TTF2: variants seen among roughly 807,000 people sequenced by gnomAD.
TTF2 encodes the protein RNA polymerase II termination factor.
A neutral mutation model predicts 142.4 loss-of-function variants in TTF2; 108 were observed. That is an observed-to-expected ratio of 0.76 (90% CI 0.65 to 0.89). TTF2 has a LOEUF of 0.89. Ranked by LOEUF, TTF2 falls within the 40% of genes least tolerant of loss-of-function variation. TTF2 has a pLI of 0.00. For missense variants in TTF2, 1,327 were observed against 1,379.8 expected (o/e 0.96, Z 0.61); for synonymous variants, 483 against 506.2 (o/e 0.95, Z 0.61).
At chr1:117,072,985 T>C (rs1248965258) in intron 3 of TTF2, among the ~76,000 whole-genome samples, 1 of 152,198 alleles carries the variant, frequency 6.6e-6, no homozygotes. Context: ...TTTTTTTTAG[T>C]AGTTTTAATT....
At chr1:117,081,210 C>T (rs1056870548) in intron 9 of TTF2, among the ~76,000 whole-genome samples, 4 of 152,250 alleles carry the variant, frequency 2.6e-5, no homozygotes, top group Admixed American at 1.3e-4. Flanking sequence ...AGCCCATGCT[C>T]TGACATTCCA....
intron 3 of TTF2, among the ~76,000 whole-genome samples, chr1:117,067,449 G>A (rs910172093): frequency 7.3e-5 from 11 of 151,164 alleles, no homozygotes; most frequent in Non-Finnish European, 8.9e-5. Flanking sequence ...ACTTTGAGCC[G>A]GGGAAGCGGA....
At chr1:117,062,600 G>A (rs192271128) in intron 3 of TTF2, 127 bp downstream of exon 3, 192 of 747,048 alleles carry the variant, frequency 2.6e-4, no homozygotes, top group Admixed American at 1.0e-3. Context: ...ATTTGTATAT[G>A]TATTAAGTGT....
chr1:117,086,946 G>GA lies in TTF2; in HGVS notation c.2160+435dup, dbSNP rs59907394. Among the ~76,000 whole-genome samples, 1,784 of 142,462 alleles carry GA rather than the reference G, an allele frequency of 0.013. 33 individuals carry two copies. The highest frequency in any genetic ancestry group is 0.041 in the African/African-American group (1,614 of 39,142). 93.5% of individuals were successfully genotyped at this position (142,462 alleles called of 152,430 possible). ...TTTCCCTGCCTCCCTTTACTTCCCA[G>GA]AAAAAAAAAAAGGGTTGCAAATAAT... On this transcript the variant is annotated intron_variant, in intron 12 of 22. Coordinates refer to ENST00000369466, the MANE Select transcript of TTF2 (RefSeq NM_003594.4). The surrounding 1 kb of genome is among the most constrained non-coding windows in gnomAD (Gnocchi z 4.2).
Position 117,080,252 on chromosome 1 carries a change from C to T in TTF2, c.1783+603C>T, listed in dbSNP as rs1321079804. On this transcript the variant is annotated intron_variant, in intron 9 of 22. Transcript: ENST00000369466. The surrounding 1 kb of genome is among the most constrained non-coding windows in gnomAD (Gnocchi z 4.3). Reference sequence around the variant, plus strand: ...TCTCTAACTCCTGACCTCAGGTGCTCCACCTGCCTTGGCCTTCCCAAAGTG... The same window carrying T: ...TCTCTAACTCCTGACCTCAGGTGCTTCACCTGCCTTGGCCTTCCCAAAGTG... Among the ~76,000 whole-genome samples the T allele has an allele frequency of 6.6e-6, 1 of 152,040 alleles. No individual in the cohort carries two copies. Among genetic ancestry groups the T allele is most frequent in the Non-Finnish European group, 1.5e-5 (1 of 67,998 alleles).
At position 117,095,314 on chromosome 1, in the gene TTF2, ATC is replaced by A; in HGVS notation, c.2986_2987del (p.Leu996ValfsTer60). ...TTGATGTAACCTTTTCCCAGATTTC[ATC>A]TCTGTTGGCAGAATTGGAGGCAATT... ...EGMRESTKIS[S>X]LLAELEAIQR... On this transcript the variant is annotated frameshift_variant, in exon 19 of 23. Transcript: ENST00000369466. LOFTEE classifies it high-confidence loss of function. 1 of 1,614,184 alleles carries A rather than the reference ATC, an allele frequency of 6.2e-7. No individual in the cohort carries two copies. The highest frequency in any genetic ancestry group is 8.5e-7 in the Non-Finnish European group (1 of 1,180,012).
At position 117,075,485 on chromosome 1, in the gene TTF2, A is replaced by G. The variant is rs1656921066; in HGVS notation, c.901A>G (p.Ile301Val). 1 of 1,614,062 alleles carries G rather than the reference A, an allele frequency of 6.2e-7. No individual in the cohort carries two copies. ...KETKAKDGPS[I>V]QATQKSLPQG... ...AACAAAGGCAAAGGATGGCCCTAGC[A>G]TACAGGCCACCCAGAAAAGCCTGCC... is the stretch of plus-strand genomic sequence containing the variant. The change falls in exon 5 of 23, where the codon ATA becomes GTA. Residue 301 changes from isoleucine (I) to valine (V), a missense_variant. Coordinates refer to ENST00000369466, the MANE Select transcript of TTF2 (RefSeq NM_003594.4). The surrounding 1 kb of genome is among the most constrained non-coding windows in gnomAD (Gnocchi z 4.5).
At chr1:117,096,100 T>C (rs754856595) in intron 19 of TTF2, 49 bp from the exon 20 acceptor site, 1 of 1,600,584 alleles carries the variant, frequency 6.2e-7, no homozygotes, top group South Asian at 1.1e-5. Context: ...TGCAGATGAG[T>C]CTGTTTAATC....
At chr1:117,072,965 A>C (rs1570808298) in intron 3 of TTF2, among the ~76,000 whole-genome samples, 1 of 152,136 alleles carries the variant, frequency 6.6e-6, no homozygotes, top group Admixed American at 6.5e-5. Context: ...GGACTCATAA[A>C]TGTCATAGTT....
At position 117,080,881 on chromosome 1, in the gene TTF2, C is replaced by T. The variant is rs1195262325; in HGVS notation, c.1784-947C>T. Among the ~76,000 whole-genome samples, 5 of 152,148 alleles carry T rather than the reference C, an allele frequency of 3.3e-5. No homozygotes were observed. Among genetic ancestry groups the T allele is most frequent in the Non-Finnish European group, 5.9e-5 (4 of 68,026 alleles). ...CCCAGCAGGGAGTTGTGACAACAGG[C>T]GTCAAAGGTTCCCTAGGAAGCTCAT... On this transcript the variant is annotated intron_variant, in intron 9 of 22. Transcript: ENST00000369466. This position sits in a 1 kb window ranked among gnomAD's most constrained non-coding sequence, Gnocchi z 4.3.
rs756425664 is a variant in TTF2, at chr1:117,092,918, CTG to C, written c.2976+19_2976+20del. 9.3e-6 allele frequency: 15 copies of C among 1,613,652 alleles called. No homozygotes were observed. The highest frequency in any genetic ancestry group is 2.7e-5 in the African/African-American group (2 of 74,906). ...AGCACCAAGGTACTTTTTGTCTCCTCTGTAGTAGTCGAGAGACTTCGATTCCT... is the reference window on the plus strand; with the variant it reads ...AGCACCAAGGTACTTTTTGTCTCCTCTAGTAGTCGAGAGACTTCGATTCCT... On this transcript the variant is annotated intron_variant, in intron 18 of 22. Coordinates refer to ENST00000369466, the MANE Select transcript of TTF2 (RefSeq NM_003594.4). This position sits in a 1 kb window ranked among gnomAD's most constrained non-coding sequence, Gnocchi z 4.4.
At position 117,090,930 on chromosome 1, in the gene TTF2, A is replaced by C. The variant is rs1648523979; in HGVS notation, c.2588+307A>C. On this transcript the variant is annotated intron_variant, in intron 15 of 22. Coordinates refer to ENST00000369466, the MANE Select transcript of TTF2 (RefSeq NM_003594.4). The surrounding 1 kb of genome is among the most constrained non-coding windows in gnomAD (Gnocchi z 4.8). ...TCATGGGGCTGTACTGAATAATAAT[A>C]TCTCTTTGACATTTGACCTGTCATC... 6.6e-6 allele frequency among the ~76,000 whole-genome samples: 1 copy of C among 152,080 alleles called. No individual in the cohort carries two copies. The highest frequency in any genetic ancestry group is 6.5e-5 in the Admixed American group (1 of 15,276).
chr1:117,081,436 T>C (rs1298012534), intron 9 of TTF2, among the ~76,000 whole-genome samples: 1 of 152,258 alleles, frequency 6.6e-6, no homozygotes, highest in Non-Finnish European at 1.5e-5. Context: ...CCAGGAATGT[T>C]CTGGTACTGG....
At chr1:117,067,641 A>G (rs1390564016) in intron 3 of TTF2, among the ~76,000 whole-genome samples, 1 of 152,176 alleles carries the variant, frequency 6.6e-6, no homozygotes, top group Non-Finnish European at 1.5e-5. Context: ...TCTGATAGGT[A>G]GCATAGACTG....
At chr1:117,066,012 T>G in intron 3 of TTF2, among the ~76,000 whole-genome samples, 1 of 82,216 alleles carries the variant, frequency 1.2e-5, no homozygotes, top group Non-Finnish European at 2.9e-5. Context: ...TTTTTTTTTT[T>G]TTTTTGTAGA....
chr1:117,090,703 T>G lies in TTF2; in HGVS notation c.2588+80T>G. On this transcript the variant is annotated intron_variant, in intron 15 of 22. Coordinates refer to ENST00000369466, the MANE Select transcript of TTF2 (RefSeq NM_003594.4). The surrounding 1 kb of genome is among the most constrained non-coding windows in gnomAD (Gnocchi z 4.8). Reference sequence around the variant, plus strand: ...CTTGGGAGTGAGTTGAAGGTCAAATTTCCACAAACTTTATGGCATTATTGA... The same window carrying G: ...CTTGGGAGTGAGTTGAAGGTCAAATGTCCACAAACTTTATGGCATTATTGA... The G allele has an allele frequency of 8.3e-7, 1 of 1,206,194 alleles. No individual in the cohort carries two copies. The highest frequency in any genetic ancestry group is 1.2e-6 in the Non-Finnish European group (1 of 836,406). 74.7% of individuals were successfully genotyped at this position (1,206,194 alleles called of 1,614,324 possible). A position where few individuals can be genotyped will look rare whatever the true frequency, so the allele number is the denominator to read the frequency against.
chr1:117,095,517 T>C, intron 19 of TTF2, 150 bp downstream of exon 19: 4 of 715,322 alleles, frequency 5.6e-6, no homozygotes, highest in Non-Finnish European at 9.3e-6. Flanking sequence ...CTAATTAAAA[T>C]ATTTGTGGTA....
intron 20 of TTF2, 141 bp downstream of exon 20, chr1:117,096,440 C>T (rs1649158211): frequency 1.9e-6 from 2 of 1,069,618 alleles, no homozygotes; most frequent in East Asian, 5.3e-5. Flanking sequence ...TGCAATAGTG[C>T]TATCTTGGCT....
intron 3 of TTF2, among the ~76,000 whole-genome samples, chr1:117,065,093 A>G (rs1180357398): frequency 6.6e-6 from 1 of 152,190 alleles, no homozygotes; most frequent in Non-Finnish European, 1.5e-5. Flanking sequence ...CTATCTTTAC[A>G]TAATTAATCA....
Sources: gnomAD v4.1 joint callset for allele counts (sites outside exome capture counted in the v4.1 genomes callset) on GRCh38, gnomAD v4.1.1 for gene constraint, Gnocchi (gnomAD v3.1) non-coding constraint, MANE v1.5 for transcripts, NCBI Gene and HGNC (gene_info 2026-07-23, HGNC 2026-07-21) for gene names.